Variants in MIGA2 observed in about 807,000 individuals in gnomAD.
MIGA2 encodes the protein family with sequence similarity 73, member B.
MIGA2 carries 36 observed loss-of-function variants against 69.9 expected under a neutral mutation model. The observed-to-expected ratio is 0.52, with a 90% CI of 0.39 to 0.68. The LOEUF is 0.68. MIGA2 is among the 30% of genes least tolerant of loss of function. The probability of loss-of-function intolerance (pLI) is 0.00; values close to 1 mark genes in which losing one functional copy is unlikely to be tolerated. For synonymous variants in MIGA2, 333 were observed against 349.2 expected (o/e 0.95, Z 0.52); for missense variants, 660 against 787.7 (o/e 0.84, Z 1.94).
In MIGA2 at chr9:129,059,976, A is replaced by C. The variant is rs1479935678; in HGVS notation, c.794-574A>C. 6.6e-6 allele frequency among the ~76,000 whole-genome samples: 1 copy of C among 152,066 alleles called. No individual in the cohort carries two copies. Among genetic ancestry groups the C allele is most frequent in the East Asian group, 1.9e-4 (1 of 5,178 alleles). ...GGAATCTGCCTCCTCTGGCCTCCCT[A>C]CATGGCAGAAAGGGCTGGGGGACCT... is the stretch of plus-strand genomic sequence containing the variant. On this transcript the variant is annotated intron_variant, in intron 7 of 15. Transcript: ENST00000684074. This position sits in a 1 kb window ranked among gnomAD's most constrained non-coding sequence, Gnocchi z 5.6.
chr9:129,065,088 C>T (rs1846273799), intron 11 of MIGA2, among the ~76,000 whole-genome samples: 1 of 143,256 alleles, frequency 7.0e-6, no homozygotes, highest in Non-Finnish European at 1.5e-5. Context: ...TGTCCTCAAT[C>T]TTTTTTTTTT....
intron 6 of MIGA2, among the ~76,000 whole-genome samples, chr9:129,057,322 C>T (rs1220489863): frequency 4.0e-5 from 6 of 151,878 alleles, no homozygotes; most frequent in Non-Finnish European, 7.4e-5. Flanking sequence ...GATGGAGTCT[C>T]GCTCTGTTGC....
At chr9:129,055,958 G>A (rs1201676663) in intron 6 of MIGA2, among the ~76,000 whole-genome samples, 1 of 151,606 alleles carries the variant, frequency 6.6e-6, no homozygotes. Context: ...AGACCAGCCT[G>A]GGCAACATGG....
chr9:129,050,045 G>A, intron 6 of MIGA2, 82 bp downstream of exon 6: 2 of 1,524,560 alleles, frequency 1.3e-6, no homozygotes, highest in Non-Finnish European at 1.8e-6. Flanking sequence ...TTGGGAGGCA[G>A]GCAGTCTCCT....
chr9:129,042,797 G>T (rs967584600), intron 3 of MIGA2, among the ~76,000 whole-genome samples: 2 of 152,174 alleles, frequency 1.3e-5, no homozygotes, highest in African/African-American at 4.8e-5. Flanking sequence ...GGTCGGGGAT[G>T]TGGCTCCTGG....
chr9:129,061,800 C>G lies in MIGA2; in HGVS notation c.1010+454C>G, dbSNP rs910763096. Among the ~76,000 whole-genome samples, 3 of 152,176 alleles carry G rather than the reference C, an allele frequency of 2.0e-5. No homozygotes were observed. ...GGGGCACTGGTCCTAAGCGCAGTGT[C>G]TGGACACAGCTCCTCTGTAGGAGAG... On this transcript the variant is annotated intron_variant, in intron 9 of 15. Transcript: ENST00000684074. This position sits in a 1 kb window ranked among gnomAD's most constrained non-coding sequence, Gnocchi z 5.0.
chr9:129,040,636 C>T lies in MIGA2; in HGVS notation c.42C>T (p.Ala14=). Residue 14 remains alanine (A), a synonymous_variant, in exon 2 of 16, where the codon GCC becomes GCT. Transcript: ENST00000684074. ...RRAEGTSMIQ[A]LAMTVAEIPV... is the part of the protein sequence containing the mutation. ...CCGAGGGCACGTCTATGATCCAGGC[C>T]CTGGCCATGACGGTGGCCGAGATCC... 1 of 1,613,872 alleles carries T rather than the reference C, an allele frequency of 6.2e-7. No homozygotes were observed. Among genetic ancestry groups the T allele is most frequent in the Non-Finnish European group, 8.5e-7 (1 of 1,179,796 alleles).
At chr9:129,040,408 C>T in intron 1 of MIGA2, 44 bp from the exon 2 acceptor site, 3 of 1,317,626 alleles carry the variant, frequency 2.3e-6, no homozygotes, top group Non-Finnish European at 3.0e-6. Flanking sequence ...CTGCATGTTC[C>T]CGTGTGCACG....
At chr9:129,062,086 T>C (rs1209185529) in intron 9 of MIGA2, among the ~76,000 whole-genome samples, 1 of 149,992 alleles carries the variant, frequency 6.7e-6, no homozygotes, top group African/African-American at 2.5e-5. Flanking sequence ...GGTTTCACTG[T>C]GTTGGCTAGG....
Position 129,063,536 on chromosome 9 carries a change from C to T in MIGA2, c.1084-9C>T. On this transcript the variant is annotated splice_polypyrimidine_tract_variant and intron_variant, in intron 10 of 15. Coordinates refer to ENST00000684074, the MANE Select transcript of MIGA2 (RefSeq NM_001329990.2). ...GGCAGCTCACTCCCCTCCCTTCCTC[C>T]TTCCCTAGGGGCTTCTGGAAGACAA... 2 of 1,613,412 alleles carry T rather than the reference C, an allele frequency of 1.2e-6. No individual in the cohort carries two copies. Among genetic ancestry groups the T allele is most frequent in the South Asian group, 2.2e-5 (2 of 91,078 alleles).
At chr9:129,046,860 C>T (rs559911193) in intron 3 of MIGA2, among the ~76,000 whole-genome samples, 4 of 152,066 alleles carry the variant, frequency 2.6e-5, no homozygotes, top group Non-Finnish European at 5.9e-5. Flanking sequence ...CTCATTGCAA[C>T]GTCCACCTCC....
intron 3 of MIGA2, among the ~76,000 whole-genome samples, chr9:129,046,497 G>A (rs555512163): frequency 3.6e-4 from 54 of 148,058 alleles, no homozygotes; most frequent in African/African-American, 1.3e-3. Flanking sequence ...TTGCCCTGTC[G>A]CCTAGGGCAG....
chr9:129,064,647 G>A (rs1211959563), intron 11 of MIGA2, among the ~76,000 whole-genome samples: 1 of 152,100 alleles, frequency 6.6e-6, no homozygotes, highest in Non-Finnish European at 1.5e-5. Flanking sequence ...TGAAGGCCAA[G>A]CTCTGTTTGG....
At chr9:129,044,805 G>A (rs1214747117) in intron 3 of MIGA2, among the ~76,000 whole-genome samples, 1 of 144,782 alleles carries the variant, frequency 6.9e-6, no homozygotes, top group Admixed American at 7.1e-5. Context: ...TGGCCAGGCT[G>A]GTCTCAAACT....
intron 4 of MIGA2, 126 bp downstream of exon 4, chr9:129,048,665 C>T: frequency 1.4e-6 from 1 of 718,484 alleles, no homozygotes; most frequent in Non-Finnish European, 2.4e-6. Context: ...CTCCTCCACC[C>T]ACGCGGGCTT....
intron 1 of MIGA2, chr9:129,037,132 A>G: frequency 2.3e-6 from 2 of 857,284 alleles, no homozygotes; most frequent in Non-Finnish European, 2.9e-6. Context: ...CAACGCGGGG[A>G]TGCCCGGTGC....
chr9:129,061,436 G>A lies in MIGA2; in HGVS notation c.1010+90G>A. ...GAGGCGGAGAAGCCAGCGGTGCTTG[G>A]CGAGGACTTAGCCTGAGTGAGTCCA... On this transcript the variant is annotated intron_variant, in intron 9 of 15. Coordinates refer to ENST00000684074, the MANE Select transcript of MIGA2 (RefSeq NM_001329990.2). This position sits in a 1 kb window ranked among gnomAD's most constrained non-coding sequence, Gnocchi z 5.0. 1 of 1,222,178 alleles carries A rather than the reference G, an allele frequency of 8.2e-7. No individual in the cohort carries two copies. The highest frequency in any genetic ancestry group is 1.1e-6 in the Non-Finnish European group (1 of 871,416). The allele number at this position is 1,222,178 out of a possible 1,614,324, so 75.7% of individuals were successfully genotyped here.
At position 129,068,090 on chromosome 9, in the gene MIGA2, A is replaced by C. The variant is rs776757833; in HGVS notation, c.1270-108A>C. On this transcript the variant is annotated intron_variant, in intron 12 of 15. Coordinates refer to ENST00000684074, the MANE Select transcript of MIGA2 (RefSeq NM_001329990.2). This position sits in a 1 kb window ranked among gnomAD's most constrained non-coding sequence, Gnocchi z 4.1. ...AGAGCGGGAAAGACGTGTCCCCCCC[A>C]CGTGTGCTCATGCCCTGGACCCCAG... The C allele has an allele frequency of 2.6e-5, 39 of 1,479,662 alleles. No individual in the cohort carries two copies. In the South Asian group the frequency reaches 4.3e-4, roughly 16 times the overall value. The allele number at this position is 1,479,662 out of a possible 1,614,324, so 91.7% of individuals were successfully genotyped here.
At chr9:129,055,532 A>C (rs1845750893) in intron 6 of MIGA2, among the ~76,000 whole-genome samples, 1 of 152,136 alleles carries the variant, frequency 6.6e-6, no homozygotes, top group South Asian at 2.1e-4. Flanking sequence ...TTTCCAAAAA[A>C]TTCTTCTATA....
Sources: gnomAD v4.1 joint callset for allele counts (sites outside exome capture counted in the v4.1 genomes callset) on GRCh38, gnomAD v4.1.1 for gene constraint, Gnocchi (gnomAD v3.1) non-coding constraint, MANE v1.5 for transcripts, NCBI Gene and HGNC (gene_info 2026-07-23, HGNC 2026-07-21) for gene names.